Variants in IL4R observed in about 807,000 individuals in gnomAD.
IL4R encodes the protein interleukin-4 receptor subunit alpha.
Under a neutral mutation model 41.5 loss-of-function variants are expected in IL4R, and 17 were observed. The ratio of observed to expected loss-of-function variants is 0.41; its 90% CI spans 0.28 to 0.61. The LOEUF is 0.61. IL4R is among the 20% of genes least tolerant of loss of function. IL4R has a pLI of 0.31. For synonymous variants in IL4R, 402 were observed against 422.9 expected, an observed-to-expected ratio of 0.95 and a Z score of 0.61; for missense variants, 974 against 1,043.1, an observed-to-expected ratio of 0.93 and a Z score of 0.91.
Position 27,340,355 on chromosome 16 carries a change from G to A in IL4R, c.70+82G>A, listed in dbSNP as rs1302456779. The A allele has an allele frequency of 5.1e-6, 5 of 986,322 alleles. No homozygotes were observed. In the African/African-American group the frequency reaches 6.4e-5, roughly 13 times the overall value. 61.1% of individuals were successfully genotyped at this position (986,322 alleles called of 1,614,324 possible). A position where few individuals can be genotyped will look rare whatever the true frequency, so the allele number is the denominator to read the frequency against. Reference sequence around the variant, plus strand: ...CTGCAGTATGTCACCTGGCCTTATGGAGATTACACTGCAGTGGGAGGGGAC... The same window carrying A: ...CTGCAGTATGTCACCTGGCCTTATGAAGATTACACTGCAGTGGGAGGGGAC... On this transcript the variant is annotated intron_variant, in intron 3 of 10. Transcript: ENST00000395762.
At chr16:27,358,765 T>C (rs914058947) in intron 8 of IL4R, 151 bp from the exon 9 acceptor site, 3 of 620,888 alleles carry the variant, frequency 4.8e-6, no homozygotes, top group Non-Finnish European at 9.0e-6. Context: ...TGTCACCAGG[T>C]TAGAATGATG....
chr16:27,361,108 C>T, intron 10 of IL4R: 1 of 1,198,262 alleles, frequency 8.3e-7, no homozygotes, highest in Non-Finnish European at 1.1e-6. Flanking sequence ...TAATTGTATA[C>T]TTGTCGGCAA....
At chr16:27,352,824 T>G in intron 7 of IL4R, 128 bp downstream of exon 7, 1 of 919,508 alleles carries the variant, frequency 1.1e-6, no homozygotes, top group Non-Finnish European at 1.7e-6. Flanking sequence ...ATCCTGCCAT[T>G]AGATACACCT....
In IL4R at chr16:27,331,717, C is replaced by G. The variant is rs535074789; in HGVS notation, c.-19+1519C>G. On this transcript the variant is annotated intron_variant, in intron 2 of 10. Transcript: ENST00000395762. ...ACAGCACTGTTCAAGTCAACTGTGT[C>G]CTTACTGATTTCTGCCTGCTGGATC... 4.3e-4 allele frequency among the ~76,000 whole-genome samples: 65 copies of G among 152,182 alleles called. 1 individual carries two copies. Among genetic ancestry groups the G allele is most frequent in the Middle Eastern group, 3.4e-3 (1 of 294 alleles).
chr16:27,355,689 C>T (rs906681285), intron 7 of IL4R, 119 bp from the exon 8 acceptor site: 25 of 647,156 alleles, frequency 3.9e-5, no homozygotes, highest in African/African-American at 5.4e-5. Flanking sequence ...GGGTGGTCGG[C>T]GGTCAGATCG....
rs1357652960 is a variant in IL4R at position 27,352,553 on chromosome 16, A to G, written c.527A>G (p.Asn176Ser). The change falls in exon 7 of 11, where the codon AAC (asparagine) becomes AGC (serine). Residue 176 changes from asparagine to serine, a missense_variant. Asn to Ser is a conservative substitution (Grantham distance 46, BLOSUM62 1). Transcript: ENST00000395762. ...TTTCTCTACCAGTTCAGAATCTATA[A>G]CGTGACCTACCTAGAACCCTCCCTC... Reference protein sequence around the residue: ...ENDPADFRIYNVTYLEPSLRI... With the variant: ...ENDPADFRIYSVTYLEPSLRI... The G allele has an allele frequency of 1.9e-6, 3 of 1,613,914 alleles. No individual in the cohort carries two copies. Among genetic ancestry groups the G allele is most frequent in the Admixed American group, 1.7e-5 (1 of 59,980 alleles).
chr16:27,318,984 A>C (rs1359725368), intron 1 of IL4R, among the ~76,000 whole-genome samples: 1 of 152,190 alleles, frequency 6.6e-6, no homozygotes, highest in African/African-American at 2.4e-5. Context: ...CACGGGAATG[A>C]GTGACCCAGA....
chr16:27,341,131 G>T lies in IL4R; in HGVS notation c.70+858G>T, dbSNP rs902103120. 4.3e-6 allele frequency: 3 copies of T among 691,628 alleles called. No individual in the cohort carries two copies. The African/African-American group carries it at 5.3e-5, about 12-fold the overall frequency. The allele number at this position is 691,628 out of a possible 1,614,324, so 42.8% of individuals were successfully genotyped here. On this transcript the variant is annotated intron_variant, in intron 3 of 10. Transcript: ENST00000395762. ...TGGAAGCCAGGAGGTCTGGAGGGAG[G>T]TCTGGAGTGGAGGAGATGAGAGGCT...
chr16:27,345,277 G>T lies in IL4R; in HGVS notation c.361+257G>T. The T allele has an allele frequency of 1.6e-6, 1 of 629,030 alleles. No individual in the cohort carries two copies. Among genetic ancestry groups the T allele is most frequent in the Non-Finnish European group, 2.9e-6 (1 of 339,210 alleles). The allele number at this position is 629,030 out of a possible 1,614,324, so 39.0% of individuals were successfully genotyped here. On this transcript the variant is annotated intron_variant, in intron 5 of 10. Transcript: ENST00000395762. The surrounding 1 kb of genome is among the most constrained non-coding windows in gnomAD (Gnocchi z 4.5). ...ACCCCTGAACTTAAGTGCCCAGGAA[G>T]GCGTATTGAGATGAGGTGTGCTTGC... is the stretch of plus-strand genomic sequence containing the variant.
At chr16:27,350,617 T>C (rs1189233470) in intron 6 of IL4R, among the ~76,000 whole-genome samples, 1 of 151,758 alleles carries the variant, frequency 6.6e-6, no homozygotes, top group Non-Finnish European at 1.5e-5. Context: ...GGGAGAGGGG[T>C]GACAGGATGA....
Position 27,363,567 on chromosome 16 carries a change from A to C in IL4R, c.2215A>C (p.Met739Leu). Reference protein sequence around the residue: ...GQEDGGQTPVMASPCCGCCCG... With the variant: ...GQEDGGQTPVLASPCCGCCCG... ...GGAGGATGGTGGCCAGACCCCTGTCATGGCCAGTCCTTGCTGTGGCTGCTG... is the reference window on the plus strand; with the variant it reads ...GGAGGATGGTGGCCAGACCCCTGTCCTGGCCAGTCCTTGCTGTGGCTGCTG... The change falls in exon 11 of 11, where the codon ATG (methionine) becomes CTG (leucine). Residue 739 changes from methionine (M) to leucine (L), a missense_variant. This residue lies in a region of IL4R where 682 missense variants were observed against 704.3 expected (regional missense o/e 0.97). Transcript: ENST00000395762. The C allele has an allele frequency of 6.2e-7, 1 of 1,614,142 alleles. No homozygotes were observed. Among genetic ancestry groups the C allele is most frequent in the Non-Finnish European group, 8.5e-7 (1 of 1,180,006 alleles).
Position 27,344,977 on chromosome 16 carries a change from G to T in IL4R, c.318G>T (p.Gly106=). 1 of 1,613,860 alleles carries T rather than the reference G, an allele frequency of 6.2e-7. No individual in the cohort carries two copies. ...ADNYTLDLWA[G]QQLLWKGSFK... ...ACTATACACTGGACCTGTGGGCTGG[G>T]CAGCAGCTGCTGTGGAAGGGCTCCT... The change falls in exon 5 of 11, where the codon GGG becomes GGT. Residue 106 remains glycine (G), a synonymous_variant. Coordinates refer to ENST00000395762, the MANE Select transcript of IL4R (RefSeq NM_000418.4).
chr16:27,316,231 G>A (rs1015450754), intron 1 of IL4R, among the ~76,000 whole-genome samples: 7 of 152,130 alleles, frequency 4.6e-5, no homozygotes, highest in East Asian at 1.9e-4. Context: ...TTAGCCAGGC[G>A]TGGTAGCAGG....
chr16:27,358,546 G>A (rs1163493477), intron 8 of IL4R, among the ~76,000 whole-genome samples: 1 of 152,204 alleles, frequency 6.6e-6, no homozygotes, highest in South Asian at 2.1e-4. Context: ...TTGTTGAGGG[G>A]AACCTAGAAT....
At chr16:27,351,210 T>G (rs1272094130) in intron 6 of IL4R, among the ~76,000 whole-genome samples, 1 of 152,228 alleles carries the variant, frequency 6.6e-6, no homozygotes, top group African/African-American at 2.4e-5. Context: ...AGCCTCAGTT[T>G]CGTGCTGGCT....
At chr16:27,352,738 C>A in intron 7 of IL4R, 42 bp downstream of exon 7, 2 of 1,591,256 alleles carry the variant, frequency 1.3e-6, no homozygotes, top group African/African-American at 1.3e-5. Context: ...CTCCACTCTC[C>A]ATTCTTCCCC....
Position 27,363,652 on chromosome 16 carries a change from G to T in IL4R, c.2300G>T (p.Gly767Val), listed in dbSNP as rs1337759752. 26 of 1,613,710 alleles carry T rather than the reference G, an allele frequency of 1.6e-5. No individual in the cohort carries two copies. The Admixed American group carries it at 4.3e-4, about 27-fold the overall frequency. Residue 767 changes from glycine to valine, a missense_variant, in exon 11 of 11, where the codon GGT becomes GTT. Coordinates refer to ENST00000395762, the MANE Select transcript of IL4R (RefSeq NM_000418.4). ...TPLRAPDPSP[G>V]GVPLEASLCP... ...CTGAGGGCCCCAGACCCCTCTCCAG[G>T]TGGGGTTCCACTGGAGGCCAGTCTG...
chr16:27,341,979 C>G, intron 3 of IL4R, 142 bp from the exon 4 acceptor site: 1 of 837,402 alleles, frequency 1.2e-6, no homozygotes, highest in Non-Finnish European at 1.8e-6. Flanking sequence ...CAGCCCTGGT[C>G]CTGGCCCCAG....
intron 2 of IL4R, 97 bp from the exon 3 acceptor site, chr16:27,340,089 A>G: frequency 1.3e-6 from 1 of 762,792 alleles, no homozygotes; most frequent in Non-Finnish European, 2.2e-6. Context: ...ACAAACAAAC[A>G]AATAAATGGC....
Sources: allele counts gnomAD v4.1 joint callset (sites outside exome capture counted in the v4.1 genomes callset), GRCh38; gene constraint gnomAD v4.1.1; regional missense constraint gnomAD v4.1.1; non-coding constraint Gnocchi (gnomAD v3.1); transcripts MANE v1.5; gene names NCBI Gene and HGNC (gene_info 2026-07-23, HGNC 2026-07-21).